The following MORN1 variants were observed in gnomAD, a reference collection of about 807,000 sequenced individuals.
MORN1 encodes MORN repeat-containing protein 1.
Under a neutral mutation model 61.9 loss-of-function variants are expected in MORN1, and 67 were observed. The ratio of observed to expected loss-of-function variants is 1.08; its 90% confidence interval spans 0.89 to 1.33. MORN1 has a LOEUF of 1.33. MORN1 is among the 40% of genes most tolerant of loss of function. The pLI is 0.00. For synonymous variants in MORN1, 301 were observed against 292.0 expected (o/e 1.03, Z -0.31); for missense variants, 752 against 691.2 (o/e 1.09, Z -0.99).
At chr1:2,383,962 GA>G (rs994916609) in intron 6 of MORN1, among the ~76,000 whole-genome samples, 1 of 152,226 alleles carries the variant, frequency 6.6e-6, no homozygotes, top group African/African-American at 2.4e-5. Flanking sequence ...CTCCACCGCA[GA>G]GGGTCTGTCT....
rs1480201519 is a variant in MORN1, at chr1:2,334,897, G to A, written c.1250+1572C>T. ...GCGGAGGTTGCCACGGTTCTGGAGC[G>A]AAGTGGAGGTGCCGCCCTGGGCGTT... On this transcript the variant is annotated intron_variant, in intron 12 of 13. Coordinates refer to ENST00000378531, the MANE Select transcript of MORN1 (RefSeq NM_024848.3). The surrounding 1 kb of genome is among the most constrained non-coding windows in gnomAD (Gnocchi z 5.4). 1.3e-5 allele frequency among the ~76,000 whole-genome samples: 2 copies of A among 152,208 alleles called. No homozygotes were observed. Among genetic ancestry groups the A allele is most frequent in the African/African-American group, 4.8e-5 (2 of 41,460 alleles).
intron 10 of MORN1, among the ~76,000 whole-genome samples, chr1:2,342,981 C>T (rs1447161203): frequency 1.3e-5 from 2 of 151,466 alleles, no homozygotes; most frequent in African/African-American, 2.4e-5. Flanking sequence ...TCAAGCAATC[C>T]TCCCGCCTCA....
At chr1:2,323,833 C>T (rs1640937121) in intron 13 of MORN1, 2 of 985,316 alleles carry the variant, frequency 2.0e-6, no homozygotes, top group Non-Finnish European at 2.4e-6. Context: ...GTGGCTTCCT[C>T]CTTTCTAGGA....
intron 10 of MORN1, among the ~76,000 whole-genome samples, chr1:2,354,170 G>A (rs927847953): frequency 6.6e-6 from 1 of 152,110 alleles, no homozygotes; most frequent in Non-Finnish European, 1.5e-5. Flanking sequence ...AGTCCTGCTG[G>A]GTCCTTGGCC....
At chr1:2,364,440 A>G (rs201596522) in intron 8 of MORN1, among the ~76,000 whole-genome samples, 1,459 of 138,934 alleles carry the variant, frequency 0.011, 70 homozygotes, top group Admixed American at 0.08. Flanking sequence ...ATTTGAGTTC[A>G]TTGTAGATTC....
chr1:2,341,478 G>A (rs924437723), intron 10 of MORN1, among the ~76,000 whole-genome samples: 5 of 152,154 alleles, frequency 3.3e-5, no homozygotes, highest in Non-Finnish European at 1.5e-5. Flanking sequence ...GGATCAGGAG[G>A]TCAGGAGATT....
intron 10 of MORN1, among the ~76,000 whole-genome samples, chr1:2,341,085 C>T (rs984735116): frequency 3.9e-5 from 6 of 152,272 alleles, no homozygotes; most frequent in East Asian, 1.9e-4. Flanking sequence ...CCTTCTGTCC[C>T]GGTCCCCACA....
chr1:2,360,346 C>T (rs1191050579), intron 8 of MORN1, among the ~76,000 whole-genome samples: 1 of 152,194 alleles, frequency 6.6e-6, no homozygotes, highest in Non-Finnish European at 1.5e-5. Context: ...TTCCAACAAC[C>T]AAGAAAGCCG....
Position 2,389,113 on chromosome 1 carries a change from C to CAA in MORN1, c.149-778_149-777dup, listed in dbSNP as rs549291051. Among the ~76,000 whole-genome samples the CAA allele has an allele frequency of 2.9e-3, 329 of 112,914 alleles. 1 individual carries two copies. The highest frequency in any genetic ancestry group is 9.2e-3 in the East Asian group (40 of 4,370). 74.1% of individuals were successfully genotyped at this position (112,914 alleles called of 152,430 possible). A position where few individuals can be genotyped will look rare whatever the true frequency, so the allele number is the denominator to read the frequency against. On this transcript the variant is annotated intron_variant, in intron 2 of 13. Transcript: ENST00000378531. ...GGCAACAAGAGCAAAACTCTGTCTC[C>CAA]AAAAAAAAAAAAAAAGAAAAAAGAA...
rs1411409436 is a variant in MORN1 at position 2,337,281 on chromosome 1, C to T, written c.1037-431G>A. 6.6e-6 allele frequency among the ~76,000 whole-genome samples: 1 copy of T among 152,206 alleles called. No individual in the cohort carries two copies. Among genetic ancestry groups the T allele is most frequent in the Non-Finnish European group, 1.5e-5 (1 of 68,016 alleles). ...GCGCAGCATGAGGAGGAAGATGGTT[C>T]TGCCCCAGCGGCCCATCAAGATGGA... On this transcript the variant is annotated intron_variant, in intron 10 of 13. Coordinates refer to ENST00000378531, the MANE Select transcript of MORN1 (RefSeq NM_024848.3). The surrounding 1 kb of genome is among the most constrained non-coding windows in gnomAD (Gnocchi z 5.7).
At chr1:2,359,620 C>T (rs1557881330) in intron 8 of MORN1, among the ~76,000 whole-genome samples, 1 of 152,114 alleles carries the variant, frequency 6.6e-6, no homozygotes, top group Non-Finnish European at 1.5e-5. Flanking sequence ...TGGTGGCTCA[C>T]CCCTGTCATC....
At chr1:2,348,369 G>C (rs1641560262) in intron 10 of MORN1, among the ~76,000 whole-genome samples, 1 of 152,196 alleles carries the variant, frequency 6.6e-6, no homozygotes, top group Admixed American at 6.5e-5. Flanking sequence ...CAGAACCAGT[G>C]GAGTCCACCG....
intron 10 of MORN1, among the ~76,000 whole-genome samples, chr1:2,344,600 C>T (rs1159282930): frequency 6.6e-6 from 1 of 152,204 alleles, no homozygotes; most frequent in Non-Finnish European, 1.5e-5. Context: ...ACACACTGGT[C>T]CCTGCTGGCC....
At chr1:2,336,409 C>G (rs1001989947) in intron 12 of MORN1, 60 bp downstream of exon 12, 1 of 1,542,048 alleles carries the variant, frequency 6.5e-7, no homozygotes, top group Non-Finnish European at 8.9e-7. Flanking sequence ...CCTGGCCCAG[C>G]TGATGAGGAG....
rs1241211092 is a variant in MORN1 at position 2,388,320 on chromosome 1, A to G, written c.166T>C (p.Phe56Leu). The change falls in exon 3 of 14, where the codon TTT becomes CTT. Residue 56 changes from phenylalanine to leucine, a missense_variant. Phe to Leu is a conservative substitution (Grantham distance 22). Coordinates refer to ENST00000378531, the MANE Select transcript of MORN1 (RefSeq NM_024848.3). ...CCTTCGTAATAACTGCCATCTTTAA[A>G]TAACAACTTCCCGTGACCTGGCAGG... ...GRKHGHGKLLFKDGSYYEGAF... is the reference protein window; with the variant it reads ...GRKHGHGKLLLKDGSYYEGAF... The G allele has an allele frequency of 3.1e-6, 5 of 1,614,008 alleles. No individual in the cohort carries two copies. In the South Asian group the frequency reaches 4.4e-5, roughly 14 times the overall value.
In MORN1 at chr1:2,357,398, A is replaced by G; in HGVS notation, c.1036+34T>C. 1 of 1,494,292 alleles carries G rather than the reference A, an allele frequency of 6.7e-7. No homozygotes were observed. The highest frequency in any genetic ancestry group is 1.4e-5 in the African/African-American group (1 of 69,438). 92.6% of individuals were successfully genotyped at this position (1,494,292 alleles called of 1,614,324 possible). A position where few individuals can be genotyped will look rare whatever the true frequency, so the allele number is the denominator to read the frequency against. ...CACCTTGACTGCTGGGCCTGGGCCC[A>G]CCCACCCCCAACTGGTTTGTGAGCT... On this transcript the variant is annotated intron_variant, in intron 10 of 13. Coordinates refer to ENST00000378531, the MANE Select transcript of MORN1 (RefSeq NM_024848.3). This position sits in a 1 kb window ranked among gnomAD's most constrained non-coding sequence, Gnocchi z 6.3.
intron 13 of MORN1, chr1:2,322,624 G>T (rs1640908204): frequency 1.6e-5 from 16 of 985,326 alleles, no homozygotes; most frequent in Non-Finnish European, 1.8e-5. Context: ...GGCGGGTGTG[G>T]GCCACAGCAC....
At chr1:2,379,930 C>T (rs938440763) in intron 6 of MORN1, among the ~76,000 whole-genome samples, 7 of 152,150 alleles carry the variant, frequency 4.6e-5, no homozygotes, top group Non-Finnish European at 7.3e-5. Flanking sequence ...TCTGTGCAGC[C>T]GTATTCACAG....
chr1:2,358,385 C>T (rs140412337), intron 9 of MORN1, among the ~76,000 whole-genome samples: 6 of 152,204 alleles, frequency 3.9e-5, no homozygotes, highest in South Asian at 4.2e-4. Flanking sequence ...CAGGGGCTCG[C>T]GGTCTCAGAA....
Sources: gnomAD v4.1 joint callset for allele counts (sites outside exome capture counted in the v4.1 genomes callset) on GRCh38, gnomAD v4.1.1 for gene constraint, Gnocchi (gnomAD v3.1) non-coding constraint, MANE v1.5 for transcripts, NCBI Gene and HGNC (gene_info 2026-07-23, HGNC 2026-07-21) for gene names.